The following SPATA6L variants were observed in gnomAD, a reference collection of about 807,000 sequenced individuals.
The protein encoded by SPATA6L is spermatogenesis associated 6 like, also known as spermatogenesis associated 6-like protein.
In SPATA6L, 68 loss-of-function variants were observed where a neutral mutation model predicts 49.2. That is an observed-to-expected ratio of 1.38 (90% confidence interval 1.14 to 1.69). The LOEUF is 1.69. Ranked by LOEUF, SPATA6L falls within the 40% of genes most tolerant of loss-of-function variation. The pLI, the probability that SPATA6L is intolerant of heterozygous loss-of-function variation, is 0.00. For synonymous variants in SPATA6L, 198 were observed against 165.7 expected, an observed-to-expected ratio of 1.19 and a Z score of -1.50; for missense variants, 668 against 464.3, an observed-to-expected ratio of 1.44 and a Z score of -4.03.
intron 4 of SPATA6L, chr9:4,633,139 T>C (rs1460288519): frequency 6.5e-6 from 1 of 153,778 alleles, no homozygotes; most frequent in Non-Finnish European, 1.5e-5. Context: ...CAGAAGTTAC[T>C]ACTGAGATGC....
At chr9:4,604,430 T>C (rs1352204545) in intron 10 of SPATA6L, among the ~76,000 whole-genome samples, 161 bp from the exon 11 acceptor site, 1 of 152,156 alleles carries the variant, frequency 6.6e-6, no homozygotes, top group African/African-American at 2.4e-5. Context: ...TCTTTTTTTG[T>C]AGAGACGAGG....
intron 3 of SPATA6L, among the ~76,000 whole-genome samples, chr9:4,644,937 G>C (rs1430648840): frequency 1.3e-5 from 2 of 152,164 alleles, no homozygotes; most frequent in Non-Finnish European, 2.9e-5. Context: ...TAAAGGGTCA[G>C]ACTACTAAAT....
intron 2 of SPATA6L, among the ~76,000 whole-genome samples, chr9:4,656,852 C>G (rs1357927916): frequency 6.6e-6 from 1 of 152,146 alleles, no homozygotes. Flanking sequence ...GTTTCTCTCT[C>G]CAAGCAATTG....
intron 2 of SPATA6L, among the ~76,000 whole-genome samples, chr9:4,656,580 C>G (rs1838279800): frequency 6.6e-6 from 1 of 152,100 alleles, no homozygotes; most frequent in African/African-American, 2.4e-5. Flanking sequence ...TAGAATTCAG[C>G]AGATGCACCT....
chr9:4,663,000 T>G lies in SPATA6L; in HGVS notation c.40-964A>C. 2 of 1,612,890 alleles carry G rather than the reference T, an allele frequency of 1.2e-6. No individual in the cohort carries two copies. Among genetic ancestry groups the G allele is most frequent in the Non-Finnish European group, 1.7e-6 (2 of 1,179,736 alleles). On this transcript the variant is annotated intron_variant, in intron 1 of 11. Coordinates refer to ENST00000682582, the MANE Select transcript of SPATA6L (RefSeq NM_001353486.2). The surrounding 1 kb of genome is among the most constrained non-coding windows in gnomAD (Gnocchi z 4.9). ...TGTCACTCTCTCGGTGGACAAGTAC[T>G]CCTTCCCCTCGGGCCATGCCACAAG...
chr9:4,662,655 T>A lies in SPATA6L; in HGVS notation c.40-619A>T. On this transcript the variant is annotated intron_variant, in intron 1 of 11. Transcript: ENST00000682582. The surrounding 1 kb of genome is among the most constrained non-coding windows in gnomAD (Gnocchi z 4.9). ...GCTGCCCGAGGAGGACCGCATGGAC[T>A]TGAACCCGTCCTTCCTGGGCATCGC... The A allele has an allele frequency of 6.3e-7, 1 of 1,599,834 alleles. No individual in the cohort carries two copies. Among genetic ancestry groups the A allele is most frequent in the Admixed American group, 1.7e-5 (1 of 59,990 alleles).
chr9:4,616,065 A>G (rs1564165363), intron 9 of SPATA6L, among the ~76,000 whole-genome samples: 1 of 152,128 alleles, frequency 6.6e-6, no homozygotes, highest in East Asian at 1.9e-4. Flanking sequence ...TGAGCCCAGG[A>G]GTTTGAGAAG....
intron 3 of SPATA6L, among the ~76,000 whole-genome samples, chr9:4,647,169 A>C (rs1835587853): frequency 6.6e-6 from 1 of 152,234 alleles, no homozygotes; most frequent in African/African-American, 2.4e-5. Context: ...GTATACATAC[A>C]TAGAGCTCTA....
chr9:4,662,751 T>C lies in SPATA6L; in HGVS notation c.40-715A>G. 6.2e-7 allele frequency: 1 copy of C among 1,603,848 alleles called. No individual in the cohort carries two copies. The highest frequency in any genetic ancestry group is 8.5e-7 in the Non-Finnish European group (1 of 1,179,924). On this transcript the variant is annotated intron_variant, in intron 1 of 11. Coordinates refer to ENST00000682582, the MANE Select transcript of SPATA6L (RefSeq NM_001353486.2). The surrounding 1 kb of genome is among the most constrained non-coding windows in gnomAD (Gnocchi z 4.9). ...GGGGGTGTGCGCGGGAGAGAGCTCG[T>C]CGTGGGGCAGCGTGCGACCCCTTAT...
Position 4,606,549 on chromosome 9 carries a change from A to C in SPATA6L, c.996-1109T>G. ...CCCAGCAGGGGCACACTGACACCTC[A>C]CACGGCCGGGTACTCCAACAGACCT... On this transcript the variant is annotated intron_variant, in intron 9 of 11. Transcript: ENST00000682582. 5.3e-5 allele frequency among the ~76,000 whole-genome samples: 2 copies of C among 37,408 alleles called. 1 individual carries two copies. The highest frequency in any genetic ancestry group is 1.3e-4 in the Non-Finnish European group (2 of 15,190). The allele number at this position is 37,408 out of a possible 152,430, so 24.5% of individuals were successfully genotyped here.
rs1830643506 is a variant in SPATA6L, at chr9:4,627,861, G to GT, written c.429+1229dup. 3.2e-5 allele frequency: 39 copies of GT among 1,230,786 alleles called. No homozygotes were observed. The Admixed American group carries it at 7.8e-4, about 25-fold the overall frequency. 76.2% of individuals were successfully genotyped at this position (1,230,786 alleles called of 1,614,324 possible). A position where few individuals can be genotyped will look rare whatever the true frequency, so the allele number is the denominator to read the frequency against. On this transcript the variant is annotated intron_variant, in intron 5 of 11. Transcript: ENST00000682582. ...TAGCCAAGATTTGGAATCAACCTAA[G>GT]TGTCCATCAACAGATGAATGGATAA...
At chr9:4,607,460 A>G (rs1370673561) in intron 9 of SPATA6L, among the ~76,000 whole-genome samples, 1 of 152,250 alleles carries the variant, frequency 6.6e-6, no homozygotes, top group East Asian at 1.9e-4. Context: ...CAGAAACCCT[A>G]CAAGCCAGAA....
At chr9:4,640,355 TA>T (rs765784584) in intron 3 of SPATA6L, among the ~76,000 whole-genome samples, 4 of 152,232 alleles carry the variant, frequency 2.6e-5, no homozygotes, top group Non-Finnish European at 5.9e-5. Flanking sequence ...ATCTGGATAT[TA>T]TTACTTGTAT....
At chr9:4,641,100 C>A (rs10815045) in intron 3 of SPATA6L, among the ~76,000 whole-genome samples, 1 of 152,008 alleles carries the variant, frequency 6.6e-6, no homozygotes, top group African/African-American at 2.4e-5. Context: ...TATTCTGCAA[C>A]TGACTTTTTA....
intron 6 of SPATA6L, 48 bp from the exon 7 acceptor site, chr9:4,622,558 G>A (rs758846185): frequency 7.7e-7 from 1 of 1,290,622 alleles, no homozygotes. Flanking sequence ...ATAGCTTCTA[G>A]TACCCTCCCC....
intron 7 of SPATA6L, among the ~76,000 whole-genome samples, chr9:4,620,141 G>T (rs1034753523): frequency 2.6e-5 from 4 of 152,072 alleles, no homozygotes; most frequent in African/African-American, 9.7e-5. Flanking sequence ...CCCCCAGCTG[G>T]GCAGGAGTCA....
intron 9 of SPATA6L, among the ~76,000 whole-genome samples, chr9:4,612,161 G>C (rs924023102): frequency 6.6e-6 from 1 of 151,914 alleles, no homozygotes; most frequent in Non-Finnish European, 1.5e-5. Context: ...ATTTTGTAGA[G>C]ACAGGGTCTC....
At position 4,662,508 on chromosome 9, in the gene SPATA6L, A is replaced by G. The variant is rs1312227748; in HGVS notation, c.40-472T>C. ...CAGGTTTGAGTTCCAGTCCCTGCTC[A>G]GCAGCCGCGCCACGGCCGTGGACCC... On this transcript the variant is annotated intron_variant, in intron 1 of 11. Transcript: ENST00000682582. The surrounding 1 kb of genome is among the most constrained non-coding windows in gnomAD (Gnocchi z 4.9). The G allele has an allele frequency of 1.3e-6, 2 of 1,560,168 alleles. No homozygotes were observed. Among genetic ancestry groups the G allele is most frequent in the African/African-American group, 1.4e-5 (1 of 73,630 alleles).
intron 9 of SPATA6L, among the ~76,000 whole-genome samples, chr9:4,615,148 GCA>G (rs1827674141): frequency 6.6e-6 from 1 of 152,064 alleles, no homozygotes; most frequent in Non-Finnish European, 1.5e-5. Flanking sequence ...CCACATGAAA[GCA>G]TCACCTCCTC....
Sources: gnomAD v4.1 joint callset for allele counts (sites outside exome capture counted in the v4.1 genomes callset) on GRCh38, gnomAD v4.1.1 for gene constraint, Gnocchi (gnomAD v3.1) non-coding constraint, MANE v1.5 for transcripts, NCBI Gene and HGNC (gene_info 2026-07-23, HGNC 2026-07-21) for gene names.